The following KDM6A variants were observed in gnomAD, a reference collection of about 807,000 sequenced individuals.
KDM6A encodes lysine demethylase 6A.
Under a neutral mutation model 117.6 loss-of-function variants are expected in KDM6A, and 11 were observed. The ratio of observed to expected loss-of-function variants is 0.09; its 90% CI spans 0.06 to 0.15. KDM6A has a LOEUF of 0.15. Among genes scored for constraint, KDM6A ranks in the 10% least tolerant of loss-of-function variants. The pLI, the probability that KDM6A is intolerant of heterozygous loss-of-function variation, is 1.00. For synonymous variants in KDM6A, 384 were observed against 396.1 expected, an observed-to-expected ratio of 0.97 and a Z score of 0.36; for missense variants, 799 against 1,077.3, an observed-to-expected ratio of 0.74 and a Z score of 3.62.
At position 44,974,649 on chromosome X, in the gene KDM6A, A is replaced by G; in HGVS notation, c.335-17A>G. ...AAAGTGAGACATAATTATGACTCAT[A>G]ATTATTTTCCTTTCAGCATTATCTG... On this transcript the variant is annotated splice_polypyrimidine_tract_variant and intron_variant, in intron 3 of 29. Coordinates refer to ENST00000611820, the MANE Select transcript of KDM6A (RefSeq NM_001291415.2). 1 of 1,121,026 alleles carries G rather than the reference A, an allele frequency of 8.9e-7. No individual in the cohort carries two copies. The highest frequency in any genetic ancestry group is 1.2e-6 in the Non-Finnish European group (1 of 813,276). The allele number at this position is 1,121,026 out of a possible 1,213,427, so 92.4% of individuals were successfully genotyped here. A position where few individuals can be genotyped will look rare whatever the true frequency, so the allele number is the denominator to read the frequency against.
In KDM6A at chrX:45,034,990, GTAT is replaced by G. The variant is rs759775453; in HGVS notation, c.619+11_619+13del. ...GCACTTTGTCCAATGCTGAAAGTAAGTATTATTAAGTACTGTAGTTTTCTACAT... is the reference window on the plus strand; with the variant it reads ...GCACTTTGTCCAATGCTGAAAGTAAGTATTAAGTACTGTAGTTTTCTACAT... On this transcript the variant is annotated splice_donor_region_variant and intron_variant, in intron 7 of 29. Transcript: ENST00000611820. 1 of 1,146,686 alleles carries G rather than the reference GTAT, an allele frequency of 8.7e-7. No homozygotes were observed. The highest frequency in any genetic ancestry group is 1.8e-5 in the South Asian group (1 of 55,456). The allele number at this position is 1,146,686 out of a possible 1,213,427, so 94.5% of individuals were successfully genotyped here.
chrX:44,885,458 A>G (rs1463427188), intron 2 of KDM6A, among the ~76,000 whole-genome samples: 1 of 111,439 alleles, frequency 9.0e-6, no homozygotes, highest in Non-Finnish European at 1.9e-5. Context: ...CACATAGTAC[A>G]AAATTGAAAA....
At chrX:45,097,724 ACT>A (rs1259469636) in intron 27 of KDM6A, among the ~76,000 whole-genome samples, 1 of 110,943 alleles carries the variant, frequency 9.0e-6, no homozygotes, top group Non-Finnish European at 1.9e-5. Flanking sequence ...AATCAGTATC[ACT>A]CTTGCTTTTT....
intron 5 of KDM6A, among the ~76,000 whole-genome samples, 186 bp downstream of exon 5, chrX:45,011,205 A>G (rs762966388): frequency 7.2e-5 from 8 of 111,289 alleles, no homozygotes; most frequent in Non-Finnish European, 1.5e-4. Flanking sequence ...CTCACCTTAG[A>G]TTTTTAGAGT....
In KDM6A at chrX:44,963,503, G is replaced by GTC. The variant is rs763264145; in HGVS notation, c.334+2113_334+2114dup. ...TGTGTGTGTCTGTCTGTCTGTCTCT[G>GTC]TCTGTCTGTCTGTCTCTGTCTCTCT... On this transcript the variant is annotated intron_variant, in intron 3 of 29. Coordinates refer to ENST00000611820, the MANE Select transcript of KDM6A (RefSeq NM_001291415.2). 1.2e-4 allele frequency among the ~76,000 whole-genome samples: 12 copies of GTC among 101,752 alleles called. No individual in the cohort carries two copies. The South Asian group carries it at 1.4e-3, about 11-fold the overall frequency. 88.4% of individuals were successfully genotyped at this position (101,752 alleles called of 115,157 possible).
Position 45,053,992 on chromosome X carries a change from A to G in KDM6A, c.875+37A>G, listed in dbSNP as rs763652748. On this transcript the variant is annotated intron_variant, in intron 10 of 29. Transcript: ENST00000611820. ...CAGACATTTATGTTTGATTTTGTCT[A>G]TTCCAGCTAAGAGATTTGAATTACA... The G allele has an allele frequency of 4.9e-5, 57 of 1,173,484 alleles. No homozygotes were observed. In the Admixed American group the frequency reaches 1.0e-3, roughly 21 times the overall value.
intron 15 of KDM6A, among the ~76,000 whole-genome samples, chrX:45,061,999 C>T: frequency 9.1e-6 from 1 of 109,485 alleles, no homozygotes; most frequent in East Asian, 2.9e-4. Flanking sequence ...CTGGCCCCTA[C>T]CCACTCAAAA....
chrX:44,952,271 C>CTTTT (rs35385542), intron 2 of KDM6A, among the ~76,000 whole-genome samples: 3,326 of 89,839 alleles, frequency 0.037, 231 homozygotes, highest in African/African-American at 0.13. Context: ...TTCTACTGAC[C>CTTTT]TTTTTTTTTT....
Position 45,020,697 on chromosome X carries a change from C to G in KDM6A, c.531C>G (p.Phe177Leu), listed in dbSNP as rs1352474538. 2 of 1,208,978 alleles carry G rather than the reference C, an allele frequency of 1.7e-6. No homozygotes were observed. Among genetic ancestry groups the G allele is most frequent in the Non-Finnish European group, 2.2e-6 (2 of 893,318 alleles). The part of the protein sequence containing the change: ...KEIHLRLGLM[F>L]KVNTDYESSL... ...TTCATTTACGACTTGGGCTTATGTT[C>G]AAAGTGAACACAGACTATGAGTCTA... The change falls in exon 6 of 30, where the codon TTC (phenylalanine) becomes TTG (leucine). Residue 177 changes from phenylalanine to leucine, a missense_variant. Coordinates refer to ENST00000611820, the MANE Select transcript of KDM6A (RefSeq NM_001291415.2).
intron 2 of KDM6A, among the ~76,000 whole-genome samples, chrX:44,940,872 C>A (rs1003538511): frequency 9.0e-6 from 1 of 110,909 alleles, no homozygotes; most frequent in African/African-American, 3.3e-5. Context: ...CCCGTCTCTA[C>A]TAAAAATGCA....
chrX:44,958,542 A>G lies in KDM6A; in HGVS notation c.226-2742A>G, dbSNP rs764189222. On this transcript the variant is annotated intron_variant, in intron 2 of 29. Transcript: ENST00000611820. ...GGTTAATTATGAAAAAAATCTAAAAAATATAGAAAAGTAAAATGAACAAAA... is the reference window on the plus strand; with the variant it reads ...GGTTAATTATGAAAAAAATCTAAAAGATATAGAAAAGTAAAATGAACAAAA... Among the ~76,000 whole-genome samples the G allele has an allele frequency of 2.7e-5, 3 of 110,305 alleles. No individual in the cohort carries two copies. In the East Asian group the frequency reaches 8.4e-4, roughly 31 times the overall value.
chrX:45,012,369 G>GT (rs2041806665), intron 5 of KDM6A, among the ~76,000 whole-genome samples: 1 of 108,238 alleles, frequency 9.2e-6, no homozygotes, highest in Non-Finnish European at 1.9e-5. Flanking sequence ...CCTGGCTAAT[G>GT]TTTTTGTATT....
chrX:44,949,721 G>T (rs1022282197), intron 2 of KDM6A, among the ~76,000 whole-genome samples: 2 of 111,671 alleles, frequency 1.8e-5, no homozygotes, highest in African/African-American at 6.5e-5. Context: ...TGTGTGTAAG[G>T]CAAAGGAATG....
At chrX:45,054,059 T>C in intron 10 of KDM6A, 104 bp downstream of exon 10, 1 of 846,612 alleles carries the variant, frequency 1.2e-6, no homozygotes, top group South Asian at 2.1e-5. Context: ...ATCAGTGTAT[T>C]TTCTCTTCTA....
chrX:45,039,212 AT>A (rs1367926519), intron 8 of KDM6A, among the ~76,000 whole-genome samples: 1 of 103,656 alleles, frequency 9.6e-6, no homozygotes, highest in Non-Finnish European at 2.0e-5. Context: ...TTGCCTCCCC[AT>A]CCCCCCTCTG....
At chrX:45,013,651 C>G (rs1359690360) in intron 5 of KDM6A, among the ~76,000 whole-genome samples, 1 of 111,849 alleles carries the variant, frequency 8.9e-6, no homozygotes, top group Admixed American at 9.5e-5. Context: ...TGATCCTGTT[C>G]TGGTTACCAT....
At chrX:44,911,033 G>T (rs1373395945) in intron 2 of KDM6A, among the ~76,000 whole-genome samples, 1 of 111,989 alleles carries the variant, frequency 8.9e-6, no homozygotes, top group Non-Finnish European at 1.9e-5. Context: ...AGACGGGGTG[G>T]CGGCCGGGCA....
At chrX:45,071,739 T>TCTTTTCTTG (rs2044843345) in intron 18 of KDM6A, among the ~76,000 whole-genome samples, 8 of 96,960 alleles carry the variant, frequency 8.3e-5, no homozygotes, top group South Asian at 5.0e-4. Context: ...GTGTTTTCTT[T>TCTTTTCTTG]TCTTTTCTTG....
chrX:44,912,810 C>G (rs978129163), intron 2 of KDM6A, among the ~76,000 whole-genome samples: 3 of 112,288 alleles, frequency 2.7e-5, no homozygotes, highest in Admixed American at 9.4e-5. Flanking sequence ...CACACACTCT[C>G]TCTGCACTCC....
Sources: allele counts gnomAD v4.1 joint callset (sites outside exome capture counted in the v4.1 genomes callset), GRCh38; gene constraint gnomAD v4.1.1; transcripts MANE v1.5; gene names NCBI Gene and HGNC (gene_info 2026-07-23, HGNC 2026-07-21).